Variants in CLEC12A observed in about 807,000 individuals in gnomAD.
CLEC12A encodes C-type lectin protein CLL-1.
In CLEC12A, 22 loss-of-function variants were observed where a neutral mutation model predicts 26.5. The ratio of observed to expected loss-of-function variants is 0.83; its 90% confidence interval spans 0.59 to 1.19. The LOEUF is 1.19. CLEC12A is among the 50% of genes most tolerant of loss of function. The pLI is 0.00. For missense variants in CLEC12A, 353 were observed against 315.6 expected (o/e 1.12, Z -0.90); for synonymous variants, 119 against 101.9 (o/e 1.17, Z -1.01).
At chr12:9,995,178 G>A (rs1865008888) in exon 5 of CLEC12A, 1 of 1,613,086 alleles carries the variant, frequency 6.2e-7, no homozygotes, top group Non-Finnish European at 8.5e-7. Context: ...CCCACTTCCA[G>A]ACCTCATTCG....
intron 1 of CLEC12A, among the ~76,000 whole-genome samples, chr12:9,962,427 G>A (rs377321065): frequency 7.9e-5 from 12 of 151,330 alleles, no homozygotes; most frequent in East Asian, 3.9e-4. Flanking sequence ...CCTTTTTTCC[G>A]TTATAACTTT....
At chr12:9,995,363 G>C in exon 5 of CLEC12A, 1 of 818,564 alleles carries the variant, frequency 1.2e-6, no homozygotes, top group Non-Finnish European at 2.1e-6. Context: ...GTCTATATTA[G>C]TATTAATGGA....
chr12:9,952,328 G>T (rs1240764876), intron 1 of CLEC12A, among the ~76,000 whole-genome samples: 5 of 150,852 alleles, frequency 3.3e-5, no homozygotes, highest in Admixed American at 2.0e-4. Flanking sequence ...TGCGATTGCA[G>T]GCACGCACCA....
intron 1 of CLEC12A, among the ~76,000 whole-genome samples, chr12:9,958,171 C>T (rs1384134550): frequency 6.6e-6 from 1 of 152,210 alleles, no homozygotes. Flanking sequence ...CATTAGCTTC[C>T]TGAACCTTTA....
chr12:9,989,875 G>C (rs1331005679), downstream of CLEC12A, among the ~76,000 whole-genome samples: 1 of 152,102 alleles, frequency 6.6e-6, no homozygotes, highest in Non-Finnish European at 1.5e-5. Context: ...GTTAAAGCCA[G>C]TAGTCTTTTA....
intron 2 of CLEC12A, 52 bp from the exon 3 acceptor site, chr12:9,979,284 A>T: frequency 1.5e-6 from 2 of 1,331,338 alleles, no homozygotes; most frequent in Non-Finnish European, 1.0e-6. Context: ...ATGATAAAGG[A>T]TGATGGCTCT....
At chr12:9,969,447 G>T (rs562627), upstream of CLEC12A, among the ~76,000 whole-genome samples, 87,121 of 151,972 alleles carry the variant, frequency 0.57, 25,319 homozygotes, top group South Asian at 0.72. Context: ...TCATCTCAGA[G>T]CTCAGCTTAT....
chr12:9,994,208 T>C (rs771936347), intron 4 of CLEC12A, among the ~76,000 whole-genome samples: 3 of 151,814 alleles, frequency 2.0e-5, no homozygotes, highest in East Asian at 1.9e-4. Context: ...TAGAAGAAAA[T>C]AGCAAGACAA....
chr12:9,975,039 A>G (rs896461839), intron 1 of CLEC12A, among the ~76,000 whole-genome samples: 1 of 152,176 alleles, frequency 6.6e-6, no homozygotes, highest in African/African-American at 2.4e-5. Context: ...GCCATGTGAG[A>G]TGTGCCTTTC....
At position 9,984,145 on chromosome 12, in the gene CLEC12A, ACT is replaced by A. The variant is rs770816386; in HGVS notation, c.642-722_642-721del. 4.5e-4 allele frequency: 72 copies of A among 159,798 alleles called. 1 individual carries two copies. Among genetic ancestry groups the A allele is most frequent in the African/African-American group, 9.1e-4 (38 of 41,580 alleles). 9.9% of individuals were successfully genotyped at this position (159,798 alleles called of 1,614,324 possible). On this transcript the variant is annotated intron_variant, in intron 5 of 5. Transcript: ENST00000304361. The stretch of plus-strand genomic sequence containing the variant: ...TGTGTATATATATCTTCACTTTATA[ACT>A]CTGTGTTGTTTTGGGGTTTGTTTCT...
intron 1 of CLEC12A, among the ~76,000 whole-genome samples, chr12:9,958,591 T>A (rs887392650): frequency 3.9e-5 from 6 of 152,244 alleles, no homozygotes; most frequent in African/African-American, 1.4e-4. Context: ...AAAAAGCCAG[T>A]GGCCTTATAC....
chr12:9,999,394 T>C (rs1655213308), downstream of CLEC12A: 1 of 247,454 alleles, frequency 4.0e-6, no homozygotes, highest in African/African-American at 2.2e-5. Flanking sequence ...CAACACTAAA[T>C]AAAGGGACAT....
At chr12:9,999,631 G>C (rs1253857547), downstream of CLEC12A, among the ~76,000 whole-genome samples, 1 of 152,138 alleles carries the variant, frequency 6.6e-6, no homozygotes, top group Non-Finnish European at 1.5e-5. Flanking sequence ...GATCATTCCT[G>C]ATTATGACCT....
chr12:9,977,812 C>T (rs936273324), intron 1 of CLEC12A, among the ~76,000 whole-genome samples: 2 of 152,048 alleles, frequency 1.3e-5, no homozygotes, highest in African/African-American at 4.8e-5. Flanking sequence ...ATTGTTAGCA[C>T]CCAGGATAAT....
chr12:9,982,815 C>T (rs1051682814), intron 5 of CLEC12A, among the ~76,000 whole-genome samples: 1 of 152,000 alleles, frequency 6.6e-6, no homozygotes, highest in Non-Finnish European at 1.5e-5. Context: ...TTGGAGTCTC[C>T]AATGTCTATT....
At chr12:10,000,500 A>T (rs112293142), downstream of CLEC12A, among the ~76,000 whole-genome samples, 6,855 of 150,822 alleles carry the variant, frequency 0.045, 202 homozygotes, top group African/African-American at 0.078. Flanking sequence ...ATTCTTAATT[A>T]AAAAAAAACA....
At chr12:9,967,583 A>G (rs374763225), upstream of CLEC12A, among the ~76,000 whole-genome samples, 2 of 152,126 alleles carry the variant, frequency 1.3e-5, no homozygotes, top group South Asian at 4.2e-4. Context: ...AAGCCCAGAG[A>G]GAAGAGAGAG....
chr12:9,995,350 C>A, exon 5 of CLEC12A: 1 of 896,158 alleles, frequency 1.1e-6, no homozygotes, highest in Admixed American at 1.7e-5. Context: ...TGTTGGATTA[C>A]ATGTCTATAT....
chr12:9,961,264 T>A (rs1260834072), intron 1 of CLEC12A, among the ~76,000 whole-genome samples: 2 of 152,198 alleles, frequency 1.3e-5, no homozygotes, highest in Admixed American at 6.5e-5. Flanking sequence ...TGAAGCGTGT[T>A]CGACACGCAC....
Sources: gnomAD v4.1 joint callset for allele counts (sites outside exome capture counted in the v4.1 genomes callset) on GRCh38, gnomAD v4.1.1 for gene constraint, MANE v1.5 for transcripts, NCBI Gene and HGNC (gene_info 2026-07-23, HGNC 2026-07-21) for gene names.